PCDHA13: variants seen among roughly 807,000 people sequenced by gnomAD.
The protein encoded by PCDHA13 is protocadherin alpha 13.
In PCDHA13, 54 loss-of-function variants were observed where a neutral mutation model predicts 64.8. That is an observed-to-expected ratio of 0.83 (90% confidence interval 0.67 to 1.04). PCDHA13 has a LOEUF of 1.04. Among genes scored for constraint, PCDHA13 ranks in the 50% least tolerant of loss-of-function variants. The probability of loss-of-function intolerance (pLI) is 0.00; values close to 1 mark genes in which losing one functional copy is unlikely to be tolerated. For missense variants in PCDHA13, 1,248 were observed against 1,254.3 expected (o/e 0.99, Z 0.08); for synonymous variants, 587 against 564.4 (o/e 1.04, Z -0.57).
In PCDHA13 at chr5:140,884,441, GCACCGCCCACCGAGGGC is replaced by G. The variant is rs782266354; in HGVS notation, c.2174_2190del (p.Ala725GlyfsTer36). 6.2e-7 allele frequency: 1 copy of G among 1,613,812 alleles called. No individual in the cohort carries two copies. Among genetic ancestry groups the G allele is most frequent in the Non-Finnish European group, 8.5e-7 (1 of 1,179,792 alleles). The stretch of plus-strand genomic sequence containing the variant: ...GCTGTATACTGCGCTGCGGTGCTCG[GCACCGCCCACCGAGGGC>G]GCGTGCGCGCCGGGCAAGCCCACTC... On this transcript the variant is annotated frameshift_variant, in exon 1 of 4. Coordinates refer to ENST00000289272, the MANE Select transcript of PCDHA13 (RefSeq NM_018904.3). LOFTEE classifies it high-confidence loss of function.
chr5:140,933,503 AAAGACT>A (rs2089194435), intron 1 of PCDHA13, among the ~76,000 whole-genome samples: 1 of 152,098 alleles, frequency 6.6e-6, no homozygotes, highest in Non-Finnish European at 1.5e-5. Flanking sequence ...ATTGTTAAGC[AAAGACT>A]ACAGCTGTTT....
intron 1 of PCDHA13, chr5:140,927,060 CT>C: frequency 1.2e-6 from 2 of 1,611,446 alleles, no homozygotes; most frequent in Non-Finnish European, 1.7e-6. Context: ...GGAACTTTCG[CT>C]TCCTTTCCAG....
chr5:140,966,893 C>CA (rs1554228863), intron 1 of PCDHA13: 3 of 1,595,686 alleles, frequency 1.9e-6, no homozygotes, highest in African/African-American at 1.3e-5. Context: ...TGCGGCCTCC[C>CA]AGCTGCGATA....
Position 140,883,090 on chromosome 5 carries a change from T to C in PCDHA13, c.822T>C (p.Asn274=), listed in dbSNP as rs550322124. The change falls in exon 1 of 4, where the codon AAT becomes AAC. Residue 274 remains asparagine, a synonymous_variant. Transcript: ENST00000289272. ...LNATDPDDGT[N]GDIVYSFRRP... ...CCACAGATCCTGATGATGGTACAAA[T>C]GGAGATATAGTTTACTCATTTAGAA... The C allele has an allele frequency of 1.4e-4, 226 of 1,614,138 alleles. 1 individual carries two copies. In the South Asian group the frequency reaches 2.4e-3, roughly 17 times the overall value.
At chr5:140,928,348 G>A in intron 1 of PCDHA13, 1 of 1,614,172 alleles carries the variant, frequency 6.2e-7, no homozygotes, top group Non-Finnish European at 8.5e-7. Context: ...TGAGCTGTTG[G>A]ATGTTATCTC....
At chr5:140,993,830 A>G (rs536970854) in intron 3 of PCDHA13, among the ~76,000 whole-genome samples, 44 of 152,326 alleles carry the variant, frequency 2.9e-4, no homozygotes, top group Non-Finnish European at 5.0e-4. Context: ...GCTATACCAT[A>G]TAGCCTAGGT....
At chr5:140,933,043 TTACAG>T (rs2088815102) in intron 1 of PCDHA13, among the ~76,000 whole-genome samples, 1 of 151,992 alleles carries the variant, frequency 6.6e-6, no homozygotes, top group Admixed American at 6.5e-5. Flanking sequence ...TGAATATGGA[TTACAG>T]TCCAGGATCC....
At chr5:140,968,563 T>G in intron 1 of PCDHA13, 1 of 1,614,204 alleles carries the variant, frequency 6.2e-7, no homozygotes, top group South Asian at 1.1e-5. Context: ...GAACTGCCCC[T>G]GCTGGCTACC....
At chr5:140,944,928 C>A (rs1554216614) in intron 1 of PCDHA13, among the ~76,000 whole-genome samples, 1 of 152,074 alleles carries the variant, frequency 6.6e-6, no homozygotes, top group Non-Finnish European at 1.5e-5. Flanking sequence ...TTGGTTTATG[C>A]CTTCTTTAGA....
At chr5:140,991,228 T>C (rs2097439456) in intron 3 of PCDHA13, among the ~76,000 whole-genome samples, 1 of 152,220 alleles carries the variant, frequency 6.6e-6, no homozygotes, top group African/African-American at 2.4e-5. Flanking sequence ...CATTAATAAA[T>C]GCAGTGGTAA....
chr5:141,000,462 T>C (rs1554257607), intron 3 of PCDHA13, among the ~76,000 whole-genome samples: 1 of 139,384 alleles, frequency 7.2e-6, no homozygotes, highest in Non-Finnish European at 1.5e-5. Flanking sequence ...AGTTTTGCTC[T>C]TGTTGCCCAA....
At chr5:140,995,647 A>G (rs1419237450) in intron 3 of PCDHA13, among the ~76,000 whole-genome samples, 2 of 152,202 alleles carry the variant, frequency 1.3e-5, no homozygotes, top group African/African-American at 4.8e-5. Context: ...TTAGAAAAGG[A>G]GAATCGAAAA....
At chr5:140,997,668 TTGTGTGTGTGTG>T (rs35184029) in intron 3 of PCDHA13, among the ~76,000 whole-genome samples, 3 of 148,244 alleles carry the variant, frequency 2.0e-5, no homozygotes, top group South Asian at 2.2e-4. Context: ...ATTATACAGC[TTGTGTGTGTGTG>T]TGTGTGTGTG....
At chr5:140,930,644 A>G (rs1346561903) in intron 1 of PCDHA13, among the ~76,000 whole-genome samples, 1 of 152,198 alleles carries the variant, frequency 6.6e-6, no homozygotes, top group East Asian at 1.9e-4. Context: ...AGGAAGGAAA[A>G]TGAAGCATTC....
In PCDHA13 at chr5:141,010,929, T is replaced by G. The variant is rs782088449; in HGVS notation, c.*992T>G. 1 of 153,778 alleles carries G rather than the reference T, an allele frequency of 6.5e-6. No homozygotes were observed. Among genetic ancestry groups the G allele is most frequent in the Non-Finnish European group, 1.5e-5 (1 of 68,048 alleles). 9.5% of individuals were successfully genotyped at this position (153,778 alleles called of 1,614,324 possible). A position where few individuals can be genotyped will look rare whatever the true frequency, so the allele number is the denominator to read the frequency against. ...AAACTCTCCTCAAAAGAGAATTCAG[T>G]CTACAGCCATTTAAATGATCATTGC... On this transcript the variant is annotated 3_prime_UTR_variant, in exon 4 of 4. Transcript: ENST00000289272.
chr5:140,926,464 A>C (rs1445781673), intron 1 of PCDHA13: 1 of 159,892 alleles, frequency 6.3e-6, no homozygotes, highest in Non-Finnish European at 1.4e-5. Flanking sequence ...TGTCCTAGAA[A>C]ACACCGTTTA....
At chr5:140,972,754 CCCAAG>C (rs1290105832) in intron 1 of PCDHA13, among the ~76,000 whole-genome samples, 1 of 151,316 alleles carries the variant, frequency 6.6e-6, no homozygotes, top group African/African-American at 2.4e-5. Context: ...ACCTCCGCCT[CCCAAG>C]TTAAAGTGAT....
intron 3 of PCDHA13, among the ~76,000 whole-genome samples, chr5:140,997,106 C>T (rs2153943751): frequency 6.6e-6 from 1 of 152,162 alleles, no homozygotes; most frequent in South Asian, 2.1e-4. Context: ...CTCATGCACT[C>T]CTGCTCTCCC....
At chr5:140,951,741 C>A (rs1490111006) in intron 1 of PCDHA13, among the ~76,000 whole-genome samples, 3 of 152,062 alleles carry the variant, frequency 2.0e-5, no homozygotes, top group Non-Finnish European at 4.4e-5. Flanking sequence ...CTGCCACTGC[C>A]CTCACCCTCC....
Sources: gnomAD v4.1 joint callset for allele counts (sites outside exome capture counted in the v4.1 genomes callset) on GRCh38, gnomAD v4.1.1 for gene constraint, MANE v1.5 for transcripts, NCBI Gene and HGNC (gene_info 2026-07-23, HGNC 2026-07-21) for gene names.